Variants in IGFN1 observed in about 807,000 individuals in gnomAD.
The protein encoded by IGFN1 is immunoglobulin like and fibronectin type III domain containing 1.
Under a neutral mutation model 289.5 loss-of-function variants are expected in IGFN1, and 253 were observed. The ratio of observed to expected loss-of-function variants is 0.87; its 90% CI spans 0.79 to 0.97. IGFN1 has a LOEUF of 0.97. Ranked by LOEUF, IGFN1 falls within the 50% of genes least tolerant of loss-of-function variation. The pLI is 0.00. For synonymous variants in IGFN1, 1,706 were observed against 1,788.5 expected (o/e 0.95, Z 1.16); for missense variants, 4,470 against 4,686.1 (o/e 0.95, Z 1.35).
chr1:201,199,217 A>G, intron 5 of IGFN1, 117 bp from the exon 6 acceptor site: 1 of 854,064 alleles, frequency 1.2e-6, no homozygotes, highest in Non-Finnish European at 1.9e-6. Context: ...CTTAGAGGAC[A>G]GTGGGGAGAG....
At chr1:201,217,767 A>C (rs989444700) in intron 17 of IGFN1, among the ~76,000 whole-genome samples, 2 of 152,162 alleles carry the variant, frequency 1.3e-5, no homozygotes, top group Non-Finnish European at 2.9e-5. Flanking sequence ...AAAAATTTCA[A>C]TTGTGCTGAG....
chr1:201,203,900 G>A lies in IGFN1; in HGVS notation c.910G>A (p.Ala304Thr), dbSNP rs766286482. The A allele has an allele frequency of 1.1e-5, 17 of 1,551,384 alleles. No homozygotes were observed. In the South Asian group the frequency reaches 2.0e-4, roughly 18 times the overall value. The change falls in exon 10 of 24, where the codon GCC becomes ACC. Residue 304 changes from alanine to threonine, a missense_variant. Ala to Thr is a moderately conservative substitution (Grantham distance 58). Transcript: ENST00000335211. ...DAVVFSTELE[A>T]SAIPPRVVVP... ...TGTGGTCTTCTCCACAGAACTGGAG[G>A]CCAGTGGTGAGTGGTCTACACTGCC... is the stretch of plus-strand genomic sequence containing the variant.
At position 201,212,313 on chromosome 1, in the gene IGFN1, G is replaced by A; in HGVS notation, c.7420G>A (p.Gly2474Arg). 6.5e-7 allele frequency: 1 copy of A among 1,536,634 alleles called. No homozygotes were observed. Among genetic ancestry groups the A allele is most frequent in the Non-Finnish European group, 8.7e-7 (1 of 1,146,772 alleles). Residue 2474 changes from glycine (G) to arginine (R), a missense_variant, in exon 12 of 24, where the codon GGG becomes AGG. Around this residue, in one of 8 missense-constraint regions of IGFN1, gnomAD observed 2,218 missense variants for 2,114.1 expected, o/e 1.05. Transcript: ENST00000335211. Reference protein sequence around the residue: ...TKDLGGYGTSGIPEASEAAGA... With the variant: ...TKDLGGYGTSRIPEASEAAGA... ...AGATCTTGGGGGCTATGGAACTTCA[G>A]GGATCCCTGAGGCCTCGGAGGCTGC...
In IGFN1 at chr1:201,208,798, G is replaced by A. The variant is rs1414598279; in HGVS notation, c.3905G>A (p.Ser1302Asn). 5 of 1,536,452 alleles carry A rather than the reference G, an allele frequency of 3.3e-6. No individual in the cohort carries two copies. Among genetic ancestry groups the A allele is most frequent in the Non-Finnish European group, 3.5e-6 (4 of 1,146,632 alleles). ...LGAPENMGSG[S>N]KADYRDGVGG... ...GCTCCTGAGAATATGGGTTCGGGGA[G>A]CAAGGCAGATTATAGGGATGGTGTA... is the stretch of plus-strand genomic sequence containing the variant. Residue 1302 changes from serine (S) to asparagine (N), a missense_variant, in exon 12 of 24, where the codon AGC becomes AAC. Ser to Asn is a conservative substitution (Grantham distance 46). Around this residue, in one of 8 missense-constraint regions of IGFN1, gnomAD observed 2,011 missense variants for 1,953.4 expected, o/e 1.03. Transcript: ENST00000335211.
chr1:201,213,367 C>A lies in IGFN1; in HGVS notation c.8474C>A (p.Ala2825Asp). 6.2e-7 allele frequency: 1 copy of A among 1,611,934 alleles called. No individual in the cohort carries two copies. ...AGCAGGTCTCAGGCACAGTCAGGGG[C>A]TGAGGTTGGAGGAGGAAAGAGAAGG... ...LRSRSQAQSGAEVGGGKRRGA... is the reference protein window; with the variant it reads ...LRSRSQAQSGDEVGGGKRRGA... Residue 2825 changes from alanine (A) to aspartate (D), a missense_variant, in exon 12 of 24, where the codon GCT (alanine) becomes GAT (aspartate). Coordinates refer to ENST00000335211, the MANE Select transcript of IGFN1 (RefSeq NM_001164586.2).
At position 201,206,066 on chromosome 1, in the gene IGFN1, A is replaced by C; in HGVS notation, c.1190-17A>C. The C allele has an allele frequency of 6.7e-7, 1 of 1,501,810 alleles. No homozygotes were observed. The highest frequency in any genetic ancestry group is 9.1e-7 in the Non-Finnish European group (1 of 1,104,870). 93.0% of individuals were successfully genotyped at this position (1,501,810 alleles called of 1,614,324 possible). On this transcript the variant is annotated splice_polypyrimidine_tract_variant and intron_variant, in intron 11 of 23. Transcript: ENST00000335211. ...ATGTGGGCACTGACCTTCCATATGA[A>C]TAACCCCTCACTGAAGCTGGGAAGG...
intron 19 of IGFN1, 186 bp from the exon 20 acceptor site, chr1:201,222,553 T>TG (rs1321843942): frequency 2.0e-6 from 1 of 499,800 alleles, no homozygotes; most frequent in African/African-American, 2.0e-5. Context: ...CATCAGCCCC[T>TG]GGGGTCTCCC....
intron 1 of IGFN1, among the ~76,000 whole-genome samples, chr1:201,192,640 G>A (rs1342684626): frequency 6.6e-6 from 1 of 152,198 alleles, no homozygotes; most frequent in African/African-American, 2.4e-5. Context: ...CAAATTTGAG[G>A]CCTCTCCCCT....
At position 201,211,735 on chromosome 1, in the gene IGFN1, G is replaced by A. The variant is rs1571467678; in HGVS notation, c.6842G>A (p.Gly2281Glu). 2 of 1,536,916 alleles carry A rather than the reference G, an allele frequency of 1.3e-6. No homozygotes were observed. Among genetic ancestry groups the A allele is most frequent in the East Asian group, 4.9e-5 (2 of 40,904 alleles). Reference protein sequence around the residue: ...GLGSSGKISSGDEAGYKNVLG... With the variant: ...GLGSSGKISSEDEAGYKNVLG... ...GGCAGTTCTGGAAAAATCAGTTCAG[G>A]GGATGAGGCAGGTTATAAGAATGTT... Residue 2281 changes from glycine (G) to glutamate (E), a missense_variant, in exon 12 of 24, where the codon GGG becomes GAG. By Grantham distance (98) the Gly-to-Glu change is moderately conservative. Transcript: ENST00000335211.
intron 5 of IGFN1, among the ~76,000 whole-genome samples, 185 bp from the exon 6 acceptor site, chr1:201,199,149 G>A (rs1375181892): frequency 6.6e-6 from 1 of 152,160 alleles, no homozygotes; most frequent in East Asian, 1.9e-4. Context: ...GGGTAAAAAG[G>A]CTTATGATGG....
rs1383899956 is a variant in IGFN1 at position 201,227,032 on chromosome 1, C to A, written c.10937C>A (p.Thr3646Asn). 1 of 1,613,500 alleles carries A rather than the reference C, an allele frequency of 6.2e-7. No homozygotes were observed. Among genetic ancestry groups the A allele is most frequent in the African/African-American group, 1.3e-5 (1 of 74,954 alleles). The change falls in exon 23 of 24, where the codon ACC (threonine) becomes AAC (asparagine). Residue 3646 changes from threonine to asparagine, a missense_variant. By Grantham distance (65) the Thr-to-Asn change is moderately conservative. Around this residue, in one of 8 missense-constraint regions of IGFN1, gnomAD observed 2,218 missense variants for 2,114.1 expected, o/e 1.05. Coordinates refer to ENST00000335211, the MANE Select transcript of IGFN1 (RefSeq NM_001164586.2). ...AVQGSPRPHV[T>N]WFKNDRSLEG... ...CAGGGCTCGCCCCGGCCCCACGTCACCTGGTTCAAGAATGACCGCAGCCTG... is the reference window on the plus strand; with the variant it reads ...CAGGGCTCGCCCCGGCCCCACGTCAACTGGTTCAAGAATGACCGCAGCCTG...
intron 8 of IGFN1, 51 bp from the exon 9 acceptor site, chr1:201,201,668 C>A: frequency 9.9e-7 from 1 of 1,005,880 alleles, no homozygotes; most frequent in South Asian, 1.4e-5. Flanking sequence ...CAGAGTACCC[C>A]GAAGAGAGAG....
chr1:201,214,910 C>G (rs943090484), intron 13 of IGFN1, 103 bp from the exon 14 acceptor site: 2 of 1,185,300 alleles, frequency 1.7e-6, no homozygotes, highest in African/African-American at 3.0e-5. Context: ...ATTCACACAG[C>G]TGTTATCAGG....
At chr1:201,224,417 C>T (rs1396214328) in intron 20 of IGFN1, among the ~76,000 whole-genome samples, 1 of 152,160 alleles carries the variant, frequency 6.6e-6, no homozygotes, top group East Asian at 1.9e-4. Context: ...GTGGAGGGCA[C>T]TTTGCATTTT....
At chr1:201,226,696 A>G (rs1208205915) in intron 22 of IGFN1, among the ~76,000 whole-genome samples, 186 bp from the exon 23 acceptor site, 1 of 152,194 alleles carries the variant, frequency 6.6e-6, no homozygotes, top group Non-Finnish European at 1.5e-5. Context: ...AAAAAAATCC[A>G]TAAAGAATTT....
intron 23 of IGFN1, 71 bp downstream of exon 23, chr1:201,227,279 G>A: frequency 2.4e-6 from 3 of 1,274,662 alleles, no homozygotes; most frequent in Non-Finnish European, 3.2e-6. Flanking sequence ...TGTCAGGGAG[G>A]CTCCGGGGGG....
chr1:201,202,751 CCCTTCCTT>C (rs1171116818), intron 9 of IGFN1, among the ~76,000 whole-genome samples: 6 of 38,972 alleles, frequency 1.5e-4, no homozygotes, highest in Non-Finnish European at 2.3e-4. Context: ...CTCCCTCCCT[CCCTTCCTT>C]CCTTCCTTCC....
intron 18 of IGFN1, among the ~76,000 whole-genome samples, chr1:201,220,726 T>C (rs1235305012): frequency 3.3e-5 from 5 of 152,266 alleles, no homozygotes; most frequent in African/African-American, 1.2e-4. Flanking sequence ...AATTAAAGTT[T>C]GAGAAGTACT....
At position 201,205,244 on chromosome 1, in the gene IGFN1, C is replaced by T. The variant is rs1177024211; in HGVS notation, c.1079C>T (p.Pro360Leu). ...PSDKYEVYVS[P>L]DGLTHRLVVR... ...GACAAATATGAAGTGTATGTGTCCC[C>T]TGACGGGCTGACCCACCGGCTGGTG... Residue 360 changes from proline (P) to leucine (L), a missense_variant, in exon 11 of 24, where the codon CCT (proline) becomes CTT (leucine). By Grantham distance (98) the Pro-to-Leu change is moderately conservative. Around this residue, in one of 8 missense-constraint regions of IGFN1, gnomAD observed 2,011 missense variants for 1,953.4 expected, o/e 1.03. Coordinates refer to ENST00000335211, the MANE Select transcript of IGFN1 (RefSeq NM_001164586.2). 4 of 1,551,006 alleles carry T rather than the reference C, an allele frequency of 2.6e-6. No individual in the cohort carries two copies. The highest frequency in any genetic ancestry group is 4.9e-5 in the East Asian group (2 of 40,912).
Sources: allele counts gnomAD v4.1 joint callset (sites outside exome capture counted in the v4.1 genomes callset), GRCh38; gene constraint gnomAD v4.1.1; regional missense constraint gnomAD v4.1.1; transcripts MANE v1.5; gene names NCBI Gene and HGNC (gene_info 2026-07-23, HGNC 2026-07-21).